INVS: variants seen among roughly 807,000 people sequenced by gnomAD.
INVS encodes inversin.
A neutral mutation model predicts 108.8 loss-of-function variants in INVS; 86 were observed. The observed-to-expected ratio is 0.79, with a 90% CI of 0.66 to 0.95. INVS has a LOEUF of 0.95. Among genes scored for constraint, INVS ranks in the 40% least tolerant of loss-of-function variants. INVS has a pLI of 0.00. For missense variants in INVS, 1,169 were observed against 1,297.4 expected, an observed-to-expected ratio of 0.90 and a Z score of 1.52; for synonymous variants, 455 against 473.5, an observed-to-expected ratio of 0.96 and a Z score of 0.51.
At chr9:100,100,895 T>TG (rs1564112128) in intron 1 of INVS, among the ~76,000 whole-genome samples, 1 of 39,580 alleles carries the variant, frequency 2.5e-5, no homozygotes, top group African/African-American at 1.6e-4. Context: ...ATAATATATA[T>TG]TATATATGTA....
chr9:100,109,945 G>A (rs574633171), intron 2 of INVS, among the ~76,000 whole-genome samples: 3 of 152,360 alleles, frequency 2.0e-5, no homozygotes, highest in African/African-American at 7.2e-5. Flanking sequence ...GGGATTACAA[G>A]CCTGAGCCAC....
chr9:100,208,220 A>G (rs1306682304), intron 3 of INVS, among the ~76,000 whole-genome samples: 4 of 152,232 alleles, frequency 2.6e-5, no homozygotes, highest in Admixed American at 2.0e-4. Flanking sequence ...ATGTTTTGAT[A>G]TAATTTTTTA....
chr9:100,252,026 A>G (rs2118557510), intron 8 of INVS, among the ~76,000 whole-genome samples: 1 of 152,336 alleles, frequency 6.6e-6, no homozygotes, highest in Middle Eastern at 3.4e-3. Flanking sequence ...AGAGGATACC[A>G]TTTCAGACCA....
Position 100,138,867 on chromosome 9 carries a change from T to C in INVS, c.273+12318T>C, listed in dbSNP as rs544640094. 4.0e-5 allele frequency among the ~76,000 whole-genome samples: 6 copies of C among 148,422 alleles called. No individual in the cohort carries two copies. The East Asian group carries it at 1.2e-3, about 29-fold the overall frequency. On this transcript the variant is annotated intron_variant, in intron 3 of 16. Coordinates refer to ENST00000262457, the MANE Select transcript of INVS (RefSeq NM_014425.5). ...GATTACAGGGGCCTGCCACCACGCC[T>C]GGATAATTTTTGTATTTTTAGTAGA...
At chr9:100,269,474 A>G (rs561274191) in intron 11 of INVS, among the ~76,000 whole-genome samples, 1 of 152,332 alleles carries the variant, frequency 6.6e-6, no homozygotes, top group South Asian at 2.1e-4. Context: ...AGTAAGTGGC[A>G]AATGAAGCTG....
intron 3 of INVS, among the ~76,000 whole-genome samples, chr9:100,192,272 T>G (rs1830246322): frequency 6.6e-6 from 1 of 151,878 alleles, no homozygotes; most frequent in South Asian, 2.1e-4. Flanking sequence ...TGTGTGTGTG[T>G]GTGTGTGTGT....
intron 3 of INVS, among the ~76,000 whole-genome samples, chr9:100,145,397 G>A (rs558329280): frequency 1.3e-4 from 19 of 151,710 alleles, no homozygotes; most frequent in African/African-American, 4.3e-4. Context: ...GCAGAGATAA[G>A]AAGTCAGGGC....
chr9:100,255,213 C>T (rs942430791), intron 10 of INVS, among the ~76,000 whole-genome samples: 2 of 152,116 alleles, frequency 1.3e-5, no homozygotes, highest in Non-Finnish European at 2.9e-5. Context: ...ATTTGGCTCT[C>T]TGTTTGTCTG....
At chr9:100,129,572 C>G (rs1288761783) in intron 3 of INVS, 1 of 518,302 alleles carries the variant, frequency 1.9e-6, no homozygotes, top group Non-Finnish European at 3.6e-6. Flanking sequence ...AAGACACTTT[C>G]ATAACTAGGC....
At chr9:100,176,535 G>A (rs1353924397) in intron 3 of INVS, among the ~76,000 whole-genome samples, 3 of 152,002 alleles carry the variant, frequency 2.0e-5, no homozygotes, top group African/African-American at 7.3e-5. Flanking sequence ...AGAGTGCAGT[G>A]GTGCGATCTC....
At chr9:100,184,484 C>A (rs1190445220) in intron 3 of INVS, among the ~76,000 whole-genome samples, 1 of 152,082 alleles carries the variant, frequency 6.6e-6, no homozygotes, top group Non-Finnish European at 1.5e-5. Flanking sequence ...AAAGTCCTCA[C>A]CATTTTGTAA....
At position 100,284,485 on chromosome 9, in the gene INVS, C is replaced by T. The variant is rs1833373353; in HGVS notation, c.1950C>T (p.Ala650=). ...PSKQPPAGNV[A]QGPEPRDSRG... is the part of the protein sequence containing the mutation. ...AGCAGCCTCCTGCTGGCAACGTGGC[C>T]CAAGGCCCTGAGCCAAGAGACAGCA... Residue 650 remains alanine, a synonymous_variant, in exon 13 of 17, where the codon GCC becomes GCT. Transcript: ENST00000262457. The T allele has an allele frequency of 1.2e-6, 2 of 1,614,136 alleles. No individual in the cohort carries two copies. The highest frequency in any genetic ancestry group is 3.3e-5 in the Admixed American group (2 of 60,012).
intron 2 of INVS, chr9:100,116,903 A>G: frequency 3.1e-6 from 4 of 1,282,810 alleles, no homozygotes; most frequent in Non-Finnish European, 4.4e-6. Context: ...GGTCTTAGAG[A>G]TGGCATCAAA....
In INVS at chr9:100,262,659, A is replaced by T. The variant is rs939434850; in HGVS notation, c.1465-2163A>T. Among the ~76,000 whole-genome samples, 4 of 141,684 alleles carry T rather than the reference A, an allele frequency of 2.8e-5. No homozygotes were observed. The Admixed American group carries it at 2.8e-4, about 10-fold the overall frequency. The allele number at this position is 141,684 out of a possible 152,430, so 93.0% of individuals were successfully genotyped here. ...GCACTAAAAAAAAAAAAAAAAAAAA[A>T]AACTTGATATTCATCTCCTCAAAGG... On this transcript the variant is annotated intron_variant, in intron 10 of 16. Coordinates refer to ENST00000262457, the MANE Select transcript of INVS (RefSeq NM_014425.5).
At chr9:100,153,047 G>A (rs935886534) in intron 3 of INVS, among the ~76,000 whole-genome samples, 2 of 150,964 alleles carry the variant, frequency 1.3e-5, no homozygotes, top group African/African-American at 4.9e-5. Context: ...GTGCACACAG[G>A]TGCATGCTTT....
intron 3 of INVS, among the ~76,000 whole-genome samples, chr9:100,157,268 T>G (rs1308915991): frequency 8.9e-6 from 1 of 112,802 alleles, no homozygotes; most frequent in Non-Finnish European, 1.7e-5. Context: ...CTTTTTTTTC[T>G]TTTTTTTTTT....
At chr9:100,241,977 T>C (rs895884304) in intron 6 of INVS, among the ~76,000 whole-genome samples, 5 of 152,196 alleles carry the variant, frequency 3.3e-5, no homozygotes, top group Non-Finnish European at 1.5e-5. Flanking sequence ...ATGCACTACA[T>C]TGTCTTCATC....
At chr9:100,183,890 T>A (rs1231738352) in intron 3 of INVS, among the ~76,000 whole-genome samples, 1 of 151,570 alleles carries the variant, frequency 6.6e-6, no homozygotes, top group Non-Finnish European at 1.5e-5. Context: ...TTAATATTGC[T>A]ATTTAAAGCA....
At chr9:100,234,851 G>T (rs562377327) in intron 5 of INVS, among the ~76,000 whole-genome samples, 3 of 152,286 alleles carry the variant, frequency 2.0e-5, no homozygotes, top group East Asian at 3.9e-4. Flanking sequence ...TTGATTTGGG[G>T]TGGAGAGTTC....
Sources: allele counts gnomAD v4.1 joint callset (sites outside exome capture counted in the v4.1 genomes callset), GRCh38; gene constraint gnomAD v4.1.1; transcripts MANE v1.5; gene names NCBI Gene and HGNC (gene_info 2026-07-23, HGNC 2026-07-21).